ENOX1: variants seen among roughly 807,000 people sequenced by gnomAD.
ENOX1 encodes candidate growth-related and time keeping constitutive hydroquinone (NADH) oxidase.
A neutral mutation model predicts 82.5 loss-of-function variants in ENOX1; 42 were observed. The ratio of observed to expected loss-of-function variants is 0.51; its 90% CI spans 0.40 to 0.66. The LOEUF (loss-of-function observed/expected upper bound fraction) is 0.66, where lower values mean the gene tolerates loss of function less well. Ranked by LOEUF, ENOX1 falls within the 30% of genes least tolerant of loss-of-function variation. The probability of loss-of-function intolerance (pLI) is 0.00; values close to 1 mark genes in which losing one functional copy is unlikely to be tolerated. For missense variants in ENOX1, 608 were observed against 811.6 expected (o/e 0.75, Z 3.05); for synonymous variants, 271 against 282.2 (o/e 0.96, Z 0.40).
chr13:43,679,566 T>C (rs1177844547), intron 1 of ENOX1, among the ~76,000 whole-genome samples: 2 of 152,206 alleles, frequency 1.3e-5, no homozygotes, highest in Non-Finnish European at 2.9e-5. Flanking sequence ...TATTTGTAGT[T>C]TCTATTTGGA....
chr13:43,650,709 G>T (rs1281609453), intron 2 of ENOX1, among the ~76,000 whole-genome samples: 1 of 152,158 alleles, frequency 6.6e-6, no homozygotes, highest in Non-Finnish European at 1.5e-5. Flanking sequence ...ACGGTGGTGG[G>T]CACCTGTAAT....
At chr13:43,544,694 C>T (rs890910594) in intron 2 of ENOX1, 3 of 152,060 alleles carry the variant, frequency 2.0e-5, no homozygotes, top group African/African-American at 7.2e-5. Context: ...ACAAGAGAAC[C>T]GCCTATCTCC....
chr13:43,400,792 G>T (rs986863), intron 5 of ENOX1, among the ~76,000 whole-genome samples: 145,613 of 152,280 alleles, frequency 0.96, 69,986 homozygotes, highest in East Asian at 1. Flanking sequence ...CCCCCACCAC[G>T]AATGATGTCT....
At chr13:43,243,806 A>G (rs528444709) in intron 14 of ENOX1, among the ~76,000 whole-genome samples, 3 of 152,274 alleles carry the variant, frequency 2.0e-5, no homozygotes, top group Admixed American at 6.5e-5. Flanking sequence ...GCTTACTCCT[A>G]TCAAACTAGC....
chr13:43,541,173 G>GTTTTTTTTTTTT (rs553504525), intron 2 of ENOX1, among the ~76,000 whole-genome samples: 6 of 64,582 alleles, frequency 9.3e-5, no homozygotes, highest in East Asian at 5.2e-4. Flanking sequence ...TCTTCCCTCT[G>GTTTTTTTTTTTT]TTTTTTTTTT....
chr13:43,616,174 C>A (rs796857756), intron 2 of ENOX1, among the ~76,000 whole-genome samples: 1,981 of 8,286 alleles, frequency 0.24, 379 homozygotes, highest in East Asian at 0.59. Context: ...ATCTATCTAT[C>A]TATCTATCTA....
intron 3 of ENOX1, among the ~76,000 whole-genome samples, chr13:43,446,893 C>T (rs1322398702): frequency 6.6e-6 from 1 of 152,194 alleles, no homozygotes; most frequent in African/African-American, 2.4e-5. Flanking sequence ...TCCTACCAGT[C>T]AAACCCTAAT....
At chr13:43,750,427 C>T (rs562847332) in intron 1 of ENOX1, among the ~76,000 whole-genome samples, 2 of 152,276 alleles carry the variant, frequency 1.3e-5, no homozygotes, top group East Asian at 1.9e-4. Flanking sequence ...AGGCTTTCAA[C>T]ACAGCAGGGG....
rs2045186717 is a variant in ENOX1 at position 43,278,433 on chromosome 13, G to A, written c.1447-8856C>T. 2.0e-5 allele frequency among the ~76,000 whole-genome samples: 3 copies of A among 151,964 alleles called. No individual in the cohort carries two copies. The South Asian group carries it at 6.2e-4, about 32-fold the overall frequency. On this transcript the variant is annotated intron_variant, in intron 12 of 16. Coordinates refer to ENST00000690772, the MANE Select transcript of ENOX1 (RefSeq NM_001347969.2). ...AATGACAGCACAGTTTTGCAAAGAC[G>A]ATGAACTAGAACTTGAGCTACTTCC...
intron 1 of ENOX1, among the ~76,000 whole-genome samples, chr13:43,679,475 T>C (rs898215239): frequency 6.6e-6 from 1 of 152,244 alleles, no homozygotes; most frequent in Non-Finnish European, 1.5e-5. Flanking sequence ...GTTTTACACA[T>C]AATACCTACT....
At chr13:43,431,596 G>A (rs560456812) in intron 3 of ENOX1, among the ~76,000 whole-genome samples, 2 of 152,150 alleles carry the variant, frequency 1.3e-5, no homozygotes, top group Admixed American at 1.3e-4. Context: ...TTGGTAAATT[G>A]CCATCAGCCA....
chr13:43,569,915 G>A (rs1338664378), intron 2 of ENOX1, among the ~76,000 whole-genome samples: 3 of 152,080 alleles, frequency 2.0e-5, no homozygotes, highest in Non-Finnish European at 2.9e-5. Context: ...CCCTTCTCTG[G>A]GTTAGCTCTG....
At chr13:43,785,764 T>G (rs900325540) in intron 1 of ENOX1, among the ~76,000 whole-genome samples, 1 of 152,038 alleles carries the variant, frequency 6.6e-6, no homozygotes, top group African/African-American at 2.4e-5. Context: ...ACCACCCCCC[T>G]TCCGAAAGAG....
chr13:43,415,351 C>G (rs553074814), intron 3 of ENOX1, among the ~76,000 whole-genome samples: 65 of 142,094 alleles, frequency 4.6e-4, no homozygotes, highest in African/African-American at 1.7e-3. Context: ...CAGATAAACA[C>G]ATGAACAAAG....
intron 12 of ENOX1, among the ~76,000 whole-genome samples, chr13:43,291,306 G>A (rs550293418): frequency 5.0e-4 from 76 of 152,322 alleles, no homozygotes; most frequent in Non-Finnish European, 9.3e-4. Flanking sequence ...GCTTAGGCGT[G>A]CCCTGCTCTG....
rs944240111 is a variant in ENOX1 at position 43,502,297 on chromosome 13, A to G, written c.-218-18145T>C. 7.9e-5 allele frequency among the ~76,000 whole-genome samples: 12 copies of G among 151,822 alleles called. 1 individual carries two copies. In the East Asian group the frequency reaches 2.3e-3, roughly 29 times the overall value. On this transcript the variant is annotated intron_variant, in intron 2 of 16. Transcript: ENST00000690772. ...ACAGGTGAATTCTATCAAACATTTA[A>G]AGAATGAATGCCAATATTCTTAAAC...
intron 14 of ENOX1, among the ~76,000 whole-genome samples, chr13:43,260,674 A>G (rs1001224981): frequency 6.6e-6 from 1 of 152,190 alleles, no homozygotes; most frequent in African/African-American, 2.4e-5. Flanking sequence ...AACATGATAT[A>G]TATACATATA....
chr13:43,506,667 T>A (rs1301965149), intron 2 of ENOX1, among the ~76,000 whole-genome samples: 1 of 133,940 alleles, frequency 7.5e-6, no homozygotes, highest in Non-Finnish European at 1.7e-5. Context: ...TAAAAAATGA[T>A]GAGTTCATGT....
chr13:43,742,891 C>T (rs547601593), intron 1 of ENOX1, among the ~76,000 whole-genome samples: 12 of 93,470 alleles, frequency 1.3e-4, no homozygotes, highest in Non-Finnish European at 2.9e-4. Context: ...GGGACATGAT[C>T]GCTCAAACTA....
Sources: allele counts gnomAD v4.1 joint callset (sites outside exome capture counted in the v4.1 genomes callset), GRCh38; gene constraint gnomAD v4.1.1; transcripts MANE v1.5; gene names NCBI Gene and HGNC (gene_info 2026-07-23, HGNC 2026-07-21).